NVL: variants seen among roughly 807,000 people sequenced by gnomAD.
NVL encodes nuclear VCP like, also known as nuclear valosin-containing protein-like.
Under a neutral mutation model 110.2 loss-of-function variants are expected in NVL, and 84 were observed. The ratio of observed to expected loss-of-function variants is 0.76; its 90% CI spans 0.64 to 0.91. The LOEUF is 0.91. Ranked by LOEUF, NVL falls within the 40% of genes least tolerant of loss-of-function variation. NVL has a pLI of 0.00. For missense variants in NVL, 882 were observed against 1,035.9 expected (o/e 0.85, Z 2.04); for synonymous variants, 354 against 361.1 (o/e 0.98, Z 0.22).
chr1:224,229,998 A>C (rs907848236), intron 22 of NVL, among the ~76,000 whole-genome samples: 1 of 152,016 alleles, frequency 6.6e-6, no homozygotes, highest in Non-Finnish European at 1.5e-5. Flanking sequence ...TGCCTGGCTA[A>C]GTTTTAATTT....
chr1:224,278,818 G>A (rs74799416), intron 16 of NVL, among the ~76,000 whole-genome samples: 9,641 of 151,744 alleles, frequency 0.064, 373 homozygotes, highest in African/African-American at 0.1. Context: ...CTGCAGCCTC[G>A]ACCTCTCAGG....
At chr1:224,307,617 T>C (rs4653576) in intron 6 of NVL, among the ~76,000 whole-genome samples, 149,836 of 151,256 alleles carry the variant, frequency 0.99, 74,239 homozygotes, top group East Asian at 1. Flanking sequence ...GGGGATGGCT[T>C]GAGCCTGGAA....
At chr1:224,283,514 T>G (rs919490306) in intron 15 of NVL, among the ~76,000 whole-genome samples, 2 of 151,848 alleles carry the variant, frequency 1.3e-5, no homozygotes, top group Non-Finnish European at 2.9e-5. Flanking sequence ...GAAAGAAATC[T>G]GACTAAACAG....
At chr1:224,296,157 CAGA>C (rs1375552547) in intron 11 of NVL, among the ~76,000 whole-genome samples, 1 of 151,910 alleles carries the variant, frequency 6.6e-6, no homozygotes, top group Non-Finnish European at 1.5e-5. Context: ...GTCCATCAAT[CAGA>C]AGAAGAAGCA....
chr1:224,308,272 A>G lies in NVL; in HGVS notation c.343-9T>C. ...TTCATGTGATTTGCTGACTGGCAGA[A>G]AGATAAAACAAAATTGTAGCATAAA... On this transcript the variant is annotated splice_polypyrimidine_tract_variant and intron_variant, in intron 5 of 22. Transcript: ENST00000281701. The G allele has an allele frequency of 6.3e-7, 1 of 1,587,842 alleles. No homozygotes were observed. Among genetic ancestry groups the G allele is most frequent in the Non-Finnish European group, 8.6e-7 (1 of 1,169,050 alleles).
intron 15 of NVL, among the ~76,000 whole-genome samples, chr1:224,284,947 T>C (rs781099688): frequency 2.0e-5 from 3 of 152,166 alleles, no homozygotes; most frequent in Non-Finnish European, 4.4e-5. Flanking sequence ...TAATTATTAG[T>C]CAAGGTACAA....
At chr1:224,255,111 C>A (rs1663037581) in intron 18 of NVL, among the ~76,000 whole-genome samples, 2 of 150,876 alleles carry the variant, frequency 1.3e-5, no homozygotes, top group Admixed American at 1.3e-4. Context: ...ACCTCATGAT[C>A]CGTCTGCCTC....
chr1:224,321,892 G>A (rs1670686626), intron 2 of NVL, among the ~76,000 whole-genome samples: 1 of 152,080 alleles, frequency 6.6e-6, no homozygotes, highest in South Asian at 2.1e-4. Context: ...AGGCTTCTTG[G>A]TGACTTATTA....
At chr1:224,318,368 TGAG>T (rs1670296581) in intron 2 of NVL, among the ~76,000 whole-genome samples, 1 of 152,064 alleles carries the variant, frequency 6.6e-6, no homozygotes, top group Admixed American at 6.6e-5. Flanking sequence ...TTTGGGAGGC[TGAG>T]GTGGGAGAAT....
intron 2 of NVL, among the ~76,000 whole-genome samples, chr1:224,320,162 C>A (rs1558361652): frequency 6.6e-6 from 1 of 152,098 alleles, no homozygotes; most frequent in East Asian, 1.9e-4. Context: ...TTGAGACAGG[C>A]AAACTCTGAA....
At chr1:224,310,318 A>G (rs116714646) in intron 5 of NVL, among the ~76,000 whole-genome samples, 1,842 of 152,232 alleles carry the variant, frequency 0.012, 33 homozygotes, top group African/African-American at 0.038. Context: ...ACATGATGCC[A>G]TTTTATGTAA....
chr1:224,256,923 T>C, intron 18 of NVL: 1 of 443,384 alleles, frequency 2.3e-6, no homozygotes, highest in South Asian at 1.7e-5. Context: ...TATATTCAGA[T>C]TCCTTCTACA....
intron 15 of NVL, among the ~76,000 whole-genome samples, chr1:224,282,926 T>C (rs574557819): frequency 1.4e-4 from 21 of 152,328 alleles, no homozygotes; most frequent in African/African-American, 5.1e-4. Context: ...TATCTCTAGG[T>C]TTCTAGGTTC....
chr1:224,244,737 G>C (rs1156424753), intron 19 of NVL, among the ~76,000 whole-genome samples: 2 of 150,648 alleles, frequency 1.3e-5, no homozygotes, highest in African/African-American at 4.9e-5. Context: ...GCCCAGGCTG[G>C]AGTGCAGTGG....
chr1:224,269,697 A>G (rs1461390598), intron 17 of NVL: 1 of 151,830 alleles, frequency 6.6e-6, no homozygotes, highest in African/African-American at 2.4e-5. Context: ...TTTCTTCACC[A>G]TAAATTTTAT....
intron 17 of NVL, among the ~76,000 whole-genome samples, chr1:224,273,285 C>T (rs986444737): frequency 4.0e-5 from 6 of 151,816 alleles, no homozygotes; most frequent in East Asian, 1.9e-4. Flanking sequence ...TGGTAGCAGG[C>T]GCCTGTAATC....
chr1:224,282,792 C>A (rs1035407397), intron 15 of NVL, among the ~76,000 whole-genome samples: 6 of 152,214 alleles, frequency 3.9e-5, no homozygotes, highest in African/African-American at 1.4e-4. Context: ...ACTCCAGTAA[C>A]TGCATGCCCT....
intron 5 of NVL, among the ~76,000 whole-genome samples, chr1:224,308,800 G>T (rs1319119068): frequency 2.0e-5 from 3 of 151,904 alleles, no homozygotes; most frequent in Admixed American, 6.6e-5. Context: ...AGTGGCTCAC[G>T]CCTGTAATCC....
intron 19 of NVL, among the ~76,000 whole-genome samples, chr1:224,249,246 G>T (rs555114211): frequency 6.6e-4 from 100 of 152,032 alleles, no homozygotes; most frequent in African/African-American, 2.2e-3. Context: ...TGGGCTCAAG[G>T]GATTCTCCAG....
Sources: gnomAD v4.1 joint callset for allele counts (sites outside exome capture counted in the v4.1 genomes callset) on GRCh38, gnomAD v4.1.1 for gene constraint, MANE v1.5 for transcripts, NCBI Gene and HGNC (gene_info 2026-07-23, HGNC 2026-07-21) for gene names.